NRXN3: variants seen among roughly 807,000 people sequenced by gnomAD.
NRXN3 encodes neurexin III.
A neutral mutation model predicts 137.6 loss-of-function variants in NRXN3; 32 were observed. That is an observed-to-expected ratio of 0.23 (90% CI 0.18 to 0.31). NRXN3 has a LOEUF of 0.31. Ranked by LOEUF, NRXN3 falls within the 10% of genes least tolerant of loss-of-function variation. The pLI is 1.00. For synonymous variants in NRXN3, 798 were observed against 784.5 expected, an observed-to-expected ratio of 1.02 and a Z score of -0.29; for missense variants, 1,574 against 2,062.5, an observed-to-expected ratio of 0.76 and a Z score of 4.59.
intron 16 of NRXN3, among the ~76,000 whole-genome samples, chr14:79,565,725 G>T (rs1347997354): frequency 2.0e-5 from 3 of 152,078 alleles, no homozygotes; most frequent in African/African-American, 7.2e-5. Flanking sequence ...TTGAGGGAAA[G>T]AGATGTGTCT....
intron 16 of NRXN3, among the ~76,000 whole-genome samples, chr14:79,481,860 G>A (rs2096611825): frequency 6.6e-6 from 1 of 152,084 alleles, no homozygotes; most frequent in African/African-American, 2.4e-5. Flanking sequence ...TATGGGATCT[G>A]GAAAATGGTC....
At chr14:78,583,826 G>C (rs2097030312) in intron 4 of NRXN3, among the ~76,000 whole-genome samples, 1 of 152,156 alleles carries the variant, frequency 6.6e-6, no homozygotes, top group Non-Finnish European at 1.5e-5. Context: ...TTTCTGTGCT[G>C]TGGGTTTTAG....
At chr14:79,096,325 G>A (rs1444059762) in intron 15 of NRXN3, among the ~76,000 whole-genome samples, 1 of 151,916 alleles carries the variant, frequency 6.6e-6, no homozygotes, top group Non-Finnish European at 1.5e-5. Context: ...GCCCAGGCTG[G>A]TCTCTAACTC....
chr14:79,180,604 C>T (rs1425162480), intron 15 of NRXN3, among the ~76,000 whole-genome samples: 2 of 151,952 alleles, frequency 1.3e-5, no homozygotes, highest in East Asian at 3.9e-4. Context: ...AACAGCTTAC[C>T]CTGCATGGTG....
chr14:79,064,724 C>T (rs1297932040), intron 15 of NRXN3, among the ~76,000 whole-genome samples: 2 of 83,626 alleles, frequency 2.4e-5, no homozygotes, highest in Non-Finnish European at 5.3e-5. Flanking sequence ...CATAATTACC[C>T]ATATATATGT....
intron 1 of NRXN3, among the ~76,000 whole-genome samples, chr14:78,178,910 G>T (rs2059520405): frequency 6.6e-6 from 1 of 152,146 alleles, no homozygotes; most frequent in Non-Finnish European, 1.5e-5. Flanking sequence ...ACTCTAGACA[G>T]AGGTCTTCCA....
In NRXN3 at chr14:78,354,214, C is replaced by T. The variant is rs747946944; in HGVS notation, c.757+56354C>T. 2.8e-4 allele frequency among the ~76,000 whole-genome samples: 43 copies of T among 152,310 alleles called. 1 individual carries two copies. The highest frequency in any genetic ancestry group is 5.3e-4 in the Non-Finnish European group (36 of 68,028). On this transcript the variant is annotated intron_variant, in intron 4 of 20. Transcript: ENST00000335750. ...TTCAAAAGGTGGAAGCCTCTGTAGA[C>T]ATCTGGAGTTTGGAAGAGAAAATGG...
intron 4 of NRXN3, among the ~76,000 whole-genome samples, chr14:78,558,228 A>G (rs1274597935): frequency 1.3e-5 from 2 of 152,148 alleles, no homozygotes; most frequent in African/African-American, 2.4e-5. Flanking sequence ...AAGAGACCCA[A>G]ACATGTGACT....
chr14:78,508,784 A>C (rs184125889), intron 4 of NRXN3, among the ~76,000 whole-genome samples: 1 of 152,326 alleles, frequency 6.6e-6, no homozygotes, highest in Admixed American at 6.5e-5. Flanking sequence ...AAGCTTGTAC[A>C]ACAATGTGAA....
At chr14:78,189,052 A>T (rs2060485016) in intron 1 of NRXN3, among the ~76,000 whole-genome samples, 1 of 151,952 alleles carries the variant, frequency 6.6e-6, no homozygotes, top group Non-Finnish European at 1.5e-5. Flanking sequence ...GAAATAGGCA[A>T]CTCCACCCAC....
chr14:78,966,160 T>C lies in NRXN3; in HGVS notation c.2531T>C (p.Leu844Pro). Residue 844 changes from leucine to proline, a missense_variant, in exon 12 of 21, where the codon CTC (leucine) becomes CCC (proline). Physicochemically the swap from Leu to Pro is moderately conservative, Grantham distance 98. Transcript: ENST00000335750. ...CAGAGCCTCATGTTTAATGGCCTTC[T>C]CTACATTGACTTGTGCAAAAATGGT... ...HLQSLMFNGL[L>P]YIDLCKNGDI... The C allele has an allele frequency of 1.9e-6, 3 of 1,614,224 alleles. No individual in the cohort carries two copies. The highest frequency in any genetic ancestry group is 1.1e-5 in the South Asian group (1 of 91,090).
At chr14:78,754,466 T>C (rs1478381460) in intron 8 of NRXN3, among the ~76,000 whole-genome samples, 1 of 152,232 alleles carries the variant, frequency 6.6e-6, no homozygotes, top group African/African-American at 2.4e-5. Context: ...GCCTAGGATA[T>C]GTCTTCTTCA....
chr14:78,287,421 C>T (rs2075296566), intron 3 of NRXN3, among the ~76,000 whole-genome samples: 1 of 152,212 alleles, frequency 6.6e-6, no homozygotes, highest in Non-Finnish European at 1.5e-5. Context: ...TTTATCCATG[C>T]ATGTATCCCC....
intron 3 of NRXN3, among the ~76,000 whole-genome samples, chr14:78,279,119 A>C (rs1469289677): frequency 6.6e-6 from 1 of 152,212 alleles, no homozygotes; most frequent in Non-Finnish European, 1.5e-5. Context: ...TATTCTCAGA[A>C]ATGTCTTTTT....
intron 10 of NRXN3, among the ~76,000 whole-genome samples, chr14:78,857,602 G>A (rs2099061103): frequency 1.3e-5 from 2 of 152,110 alleles, no homozygotes; most frequent in Admixed American, 6.6e-5. Context: ...CATCTCTTAA[G>A]GGATATGAAT....
intron 10 of NRXN3, among the ~76,000 whole-genome samples, chr14:78,900,369 C>T (rs902178290): frequency 2.0e-5 from 3 of 151,676 alleles, no homozygotes; most frequent in Non-Finnish European, 4.4e-5. Flanking sequence ...GCTTCAGGTC[C>T]TGTTTAGGTC....
chr14:78,514,593 A>G (rs545656746), intron 4 of NRXN3, among the ~76,000 whole-genome samples: 64 of 152,210 alleles, frequency 4.2e-4, no homozygotes, highest in Non-Finnish European at 8.4e-4. Context: ...AGAACATACT[A>G]TATTTCAGTA....
chr14:78,929,389 G>T (rs907823054), intron 10 of NRXN3, among the ~76,000 whole-genome samples: 6 of 152,022 alleles, frequency 3.9e-5, no homozygotes, highest in Admixed American at 2.0e-4. Flanking sequence ...CCCAGTGTGT[G>T]TTGTTCCCCT....
chr14:79,049,022 CAAAAAAA>C lies in NRXN3; in HGVS notation c.3262+60927_3262+60933del, dbSNP rs1171306670. Among the ~76,000 whole-genome samples, 136 of 29,432 alleles carry C rather than the reference CAAAAAAA, an allele frequency of 4.6e-3. 1 individual carries two copies. The highest frequency in any genetic ancestry group is 0.012 in the African/African-American group (62 of 5,108). 19.3% of individuals were successfully genotyped at this position (29,432 alleles called of 152,430 possible). On this transcript the variant is annotated intron_variant, in intron 15 of 20. Transcript: ENST00000335750. ...TGGGCGACAGAGCGAAACTCCGTCT[CAAAAAAA>C]AAAAAAAAAAAAAAAAAAAAAAAAA... is the stretch of plus-strand genomic sequence containing the variant.
Sources: allele counts gnomAD v4.1 joint callset (sites outside exome capture counted in the v4.1 genomes callset), GRCh38; gene constraint gnomAD v4.1.1; transcripts MANE v1.5; gene names NCBI Gene and HGNC (gene_info 2026-07-23, HGNC 2026-07-21).